Variants in DLGAP1 observed in about 807,000 individuals in gnomAD.
DLGAP1 encodes the protein DLG associated protein 1, also known as disks large-associated protein 1.
DLGAP1 carries 11 observed loss-of-function variants against 90.8 expected under a neutral mutation model. That is an observed-to-expected ratio of 0.12 (90% CI 0.08 to 0.20). The LOEUF is 0.20. DLGAP1 is among the 10% of genes least tolerant of loss of function. The pLI is 1.00. For missense variants in DLGAP1, 1,050 were observed against 1,333.8 expected, an observed-to-expected ratio of 0.79 and a Z score of 3.31; for synonymous variants, 558 against 540.7, an observed-to-expected ratio of 1.03 and a Z score of -0.44.
intron 2 of DLGAP1, among the ~76,000 whole-genome samples, chr18:4,083,223 A>C (rs1407280013): frequency 6.6e-6 from 1 of 152,210 alleles, no homozygotes; most frequent in African/African-American, 2.4e-5. Flanking sequence ...TTGATCTTAT[A>C]AATTCTGCTG....
chr18:3,669,427 G>A (rs2060000694), intron 7 of DLGAP1, among the ~76,000 whole-genome samples: 1 of 152,084 alleles, frequency 6.6e-6, no homozygotes, highest in African/African-American at 2.4e-5. Flanking sequence ...CCCCAACCTG[G>A]GCCTATAAAA....
intron 2 of DLGAP1, among the ~76,000 whole-genome samples, chr18:4,015,277 G>A (rs2074502333): frequency 6.6e-6 from 1 of 152,112 alleles, no homozygotes; most frequent in Non-Finnish European, 1.5e-5. Context: ...ATAGGCTTCA[G>A]TTTTTGCCAT....
chr18:4,061,391 T>G (rs1037078786), intron 2 of DLGAP1, among the ~76,000 whole-genome samples: 1 of 143,890 alleles, frequency 6.9e-6, no homozygotes, highest in South Asian at 2.3e-4. Flanking sequence ...CTTATAAAAA[T>G]CTGTGTGTGA....
intron 1 of DLGAP1, among the ~76,000 whole-genome samples, chr18:4,168,795 G>C (rs1453777045): frequency 6.6e-6 from 1 of 152,094 alleles, no homozygotes; most frequent in Admixed American, 6.6e-5. Context: ...TGTTGGCCAG[G>C]CTGAACTCGA....
intron 5 of DLGAP1, among the ~76,000 whole-genome samples, chr18:3,813,004 T>C (rs2066918826): frequency 6.6e-6 from 1 of 152,220 alleles, no homozygotes; most frequent in Non-Finnish European, 1.5e-5. Flanking sequence ...TATCTATTTC[T>C]ACATTCCAAG....
intron 3 of DLGAP1, among the ~76,000 whole-genome samples, chr18:3,968,418 T>A (rs1332951480): frequency 2.0e-5 from 3 of 152,176 alleles, no homozygotes; most frequent in Non-Finnish European, 2.9e-5. Context: ...TGTCATTAGC[T>A]CATGGCAGGC....
chr18:4,324,350 A>C (rs1021548070), intron 1 of DLGAP1, among the ~76,000 whole-genome samples: 1 of 150,914 alleles, frequency 6.6e-6, no homozygotes, highest in African/African-American at 2.4e-5. Context: ...CCAATAATGA[A>C]CTCTGAAATT....
At chr18:4,384,620 G>T (rs751911911) in intron 1 of DLGAP1, among the ~76,000 whole-genome samples, 21 of 151,654 alleles carry the variant, frequency 1.4e-4, no homozygotes, top group Non-Finnish European at 2.7e-4. Flanking sequence ...ATATTTCCTC[G>T]TACTAATATA....
At chr18:3,527,808 A>G (rs1193711048) in intron 10 of DLGAP1, among the ~76,000 whole-genome samples, 1 of 151,982 alleles carries the variant, frequency 6.6e-6, no homozygotes, top group Non-Finnish European at 1.5e-5. Context: ...GCCCAGGCCA[A>G]TCTTGGACTC....
chr18:4,086,330 GA>G (rs1395380419), intron 2 of DLGAP1, among the ~76,000 whole-genome samples: 4 of 152,086 alleles, frequency 2.6e-5, no homozygotes, highest in African/African-American at 7.2e-5. Context: ...AACAAAGTAT[GA>G]AAAAAACTGT....
At chr18:3,846,592 T>C (rs552696069) in intron 4 of DLGAP1, among the ~76,000 whole-genome samples, 3 of 152,254 alleles carry the variant, frequency 2.0e-5, no homozygotes, top group Admixed American at 6.5e-5. Context: ...AGTATATCCA[T>C]ACAATAAAAC....
At chr18:3,621,309 A>T (rs1170165821) in intron 7 of DLGAP1, among the ~76,000 whole-genome samples, 2 of 152,080 alleles carry the variant, frequency 1.3e-5, no homozygotes, top group Non-Finnish European at 2.9e-5. Context: ...TCCCCTCCTA[A>T]GGTTCATCAA....
At chr18:3,513,162 T>C (rs1272532625) in intron 10 of DLGAP1, among the ~76,000 whole-genome samples, 1 of 152,236 alleles carries the variant, frequency 6.6e-6, no homozygotes. Flanking sequence ...ACTTAGCATA[T>C]AGTCCTCCAG....
At chr18:3,920,479 C>T (rs2072245973) in intron 3 of DLGAP1, among the ~76,000 whole-genome samples, 3 of 152,112 alleles carry the variant, frequency 2.0e-5, no homozygotes, top group African/African-American at 7.2e-5. Context: ...TACCTCCCCT[C>T]TGCTGCCACC....
Position 4,051,989 on chromosome 18 carries a change from C to T in DLGAP1, c.-158-46788G>A, listed in dbSNP as rs530033779. Among the ~76,000 whole-genome samples the T allele has an allele frequency of 1.1e-3, 172 of 152,348 alleles. 1 individual carries two copies. Among genetic ancestry groups the T allele is most frequent in the African/African-American group, 3.9e-3 (162 of 41,584 alleles). On this transcript the variant is annotated intron_variant, in intron 2 of 12. Coordinates refer to ENST00000315677, the MANE Select transcript of DLGAP1 (RefSeq NM_004746.4). ...GACTCCATGTCTCACATCCAGGTCA[C>T]GGTGATGAAAGAGTGGGCTCCCATG...
chr18:4,027,298 G>A (rs2074716208), intron 2 of DLGAP1, among the ~76,000 whole-genome samples: 1 of 151,888 alleles, frequency 6.6e-6, no homozygotes, highest in South Asian at 2.1e-4. Flanking sequence ...TGGAGGCCAG[G>A]AGTTCGAGAC....
At chr18:4,016,908 T>C (rs955772620) in intron 2 of DLGAP1, among the ~76,000 whole-genome samples, 1 of 152,194 alleles carries the variant, frequency 6.6e-6, no homozygotes, top group East Asian at 1.9e-4. Flanking sequence ...AGCTTGCAGA[T>C]TGACTGTGCA....
chr18:4,310,549 TC>T (rs1362739942), intron 1 of DLGAP1, among the ~76,000 whole-genome samples: 3 of 152,188 alleles, frequency 2.0e-5, no homozygotes, highest in Non-Finnish European at 4.4e-5. Flanking sequence ...TTATGTGATT[TC>T]CTACAACCTT....
At chr18:3,882,624 T>C (rs2071205042) in intron 3 of DLGAP1, among the ~76,000 whole-genome samples, 1 of 151,850 alleles carries the variant, frequency 6.6e-6, no homozygotes, top group Non-Finnish European at 1.5e-5. Context: ...CCAGACCTAA[T>C]AGCTCAGCCT....
Sources: allele counts gnomAD v4.1 joint callset (sites outside exome capture counted in the v4.1 genomes callset), GRCh38; gene constraint gnomAD v4.1.1; transcripts MANE v1.5; gene names NCBI Gene and HGNC (gene_info 2026-07-23, HGNC 2026-07-21).